USP32: variants seen among roughly 807,000 people sequenced by gnomAD.
USP32 encodes the protein ubiquitin carboxyl-terminal hydrolase 32.
In USP32, 59 loss-of-function variants were observed where a neutral mutation model predicts 204.8. That is an observed-to-expected ratio of 0.29 (90% CI 0.23 to 0.36). USP32 has a LOEUF of 0.36. USP32 is among the 10% of genes least tolerant of loss of function. The pLI is 1.00. For missense variants in USP32, 1,160 were observed against 1,946.4 expected, an observed-to-expected ratio of 0.60 and a Z score of 7.60; for synonymous variants, 517 against 678.4, an observed-to-expected ratio of 0.76 and a Z score of 3.70.
upstream of USP32, among the ~76,000 whole-genome samples, chr17:60,392,859 A>G (rs1444351117): frequency 6.6e-6 from 1 of 152,072 alleles, no homozygotes; most frequent in Non-Finnish European, 1.5e-5. Flanking sequence ...TCTTGTACAC[A>G]TTCTCTGGAA....
At chr17:60,377,895 A>G (rs2089578146) in intron 1 of USP32, among the ~76,000 whole-genome samples, 1 of 152,232 alleles carries the variant, frequency 6.6e-6, no homozygotes, top group Admixed American at 6.5e-5. Flanking sequence ...ACATTGTTTA[A>G]GTTCAAAACT....
chr17:60,216,079 G>GA (rs1264143453), intron 16 of USP32, among the ~76,000 whole-genome samples: 114 of 143,774 alleles, frequency 7.9e-4, no homozygotes, highest in African/African-American at 1.4e-3. Flanking sequence ...GCCCAATAAG[G>GA]AAAAAAAAAA....
intron 16 of USP32, among the ~76,000 whole-genome samples, chr17:60,215,937 G>A (rs897541432): frequency 6.6e-6 from 1 of 152,098 alleles, no homozygotes; most frequent in Non-Finnish European, 1.5e-5. Context: ...AAGGCTCAGG[G>A]AATCCTCCCA....
At chr17:60,229,619 A>G (rs148010211) in intron 12 of USP32, among the ~76,000 whole-genome samples, 25 of 152,328 alleles carry the variant, frequency 1.6e-4, no homozygotes, top group Non-Finnish European at 3.1e-4. Context: ...AAAGAGTAAC[A>G]GCGCCACCTT....
At chr17:60,392,289 C>T, upstream of USP32, 1 of 371,948 alleles carries the variant, frequency 2.7e-6, no homozygotes, top group Non-Finnish European at 4.9e-6. Flanking sequence ...AGACACTGTT[C>T]CCGGTAACGG....
intron 9 of USP32, among the ~76,000 whole-genome samples, chr17:60,263,265 C>A (rs2086499428): frequency 6.6e-6 from 1 of 151,974 alleles, no homozygotes; most frequent in Admixed American, 6.6e-5. Context: ...CTAACATAGC[C>A]CTGATCACAC....
In USP32 at chr17:60,215,490, A is replaced by G. The variant is rs182891736; in HGVS notation, c.1868-716T>C. On this transcript the variant is annotated intron_variant, in intron 16 of 33. Coordinates refer to ENST00000300896, the MANE Select transcript of USP32 (RefSeq NM_032582.4). ...AAAAAAAAATTAGGACAGAGTTAAA[A>G]AAAAAAAAAACTCAGTGGAGGAGGT... Among the ~76,000 whole-genome samples the G allele has an allele frequency of 4.4e-3, 677 of 152,260 alleles. 9 individuals carry two copies. Among genetic ancestry groups the G allele is most frequent in the African/African-American group, 0.015 (623 of 41,558 alleles).
intron 1 of USP32, among the ~76,000 whole-genome samples, chr17:60,387,148 A>G (rs557069237): frequency 3.9e-5 from 6 of 152,332 alleles, no homozygotes; most frequent in African/African-American, 1.4e-4. Context: ...CGTGTATAGA[A>G]TGATACATTA....
intron 1 of USP32, among the ~76,000 whole-genome samples, chr17:60,410,584 T>C (rs2090010148): frequency 6.6e-6 from 1 of 151,678 alleles, no homozygotes; most frequent in Non-Finnish European, 1.5e-5. Context: ...AGGAGAATGG[T>C]GTGAACCTGG....
intron 1 of USP32, among the ~76,000 whole-genome samples, chr17:60,374,747 T>G (rs568046624): frequency 6.6e-6 from 1 of 152,168 alleles, no homozygotes; most frequent in African/African-American, 2.4e-5. Flanking sequence ...AATGACTACA[T>G]AAAAAAAGCA....
chr17:60,211,046 T>C lies in USP32; in HGVS notation c.2391A>G (p.Gly797=), dbSNP rs1235841968. 2.5e-6 allele frequency: 4 copies of C among 1,612,200 alleles called. No homozygotes were observed. The highest frequency in any genetic ancestry group is 1.7e-6 in the Non-Finnish European group (2 of 1,178,558). The part of the protein sequence containing the change: ...YGDLVQELWS[G]TQKNVAPLKL... ...TTAATGGGGCAACATTCTTCTGAGT[T>C]CCACTCCAAAGTTCCTGCACTAAAT... The change falls in exon 21 of 34, where the codon GGA becomes GGG. Residue 797 remains glycine (G), a synonymous_variant. Transcript: ENST00000300896.
At chr17:60,336,187 A>G (rs1167146350) in intron 2 of USP32, among the ~76,000 whole-genome samples, 1 of 143,260 alleles carries the variant, frequency 7.0e-6, no homozygotes, top group Non-Finnish European at 1.5e-5. Context: ...CAAGGAGTTC[A>G]CTAGTCCCAT....
chr17:60,377,202 G>A (rs1217638720), intron 1 of USP32, among the ~76,000 whole-genome samples: 2 of 152,148 alleles, frequency 1.3e-5, no homozygotes, highest in Admixed American at 6.6e-5. Context: ...GTTCACGTCT[G>A]TAATCCCAGC....
chr17:60,384,723 C>T (rs1351757393), intron 1 of USP32, among the ~76,000 whole-genome samples: 3 of 150,566 alleles, frequency 2.0e-5, no homozygotes, highest in Non-Finnish European at 4.4e-5. Context: ...ATTCGGGAGG[C>T]GGAGGTTGCA....
chr17:60,206,389 C>A (rs2084825708), intron 25 of USP32, among the ~76,000 whole-genome samples: 2 of 149,576 alleles, frequency 1.3e-5, no homozygotes, highest in Admixed American at 1.3e-4. Flanking sequence ...ATCTCAAGCG[C>A]TTAACAGTCC....
At chr17:60,324,712 A>T (rs1450521420) in intron 2 of USP32, among the ~76,000 whole-genome samples, 1 of 152,176 alleles carries the variant, frequency 6.6e-6, no homozygotes, top group African/African-American at 2.4e-5. Flanking sequence ...ATACTAAAAA[A>T]CTGTTATAGG....
intron 3 of USP32, among the ~76,000 whole-genome samples, chr17:60,298,924 T>C (rs2087504682): frequency 6.6e-6 from 1 of 151,846 alleles, no homozygotes; most frequent in Admixed American, 6.6e-5. Context: ...GCAGTTAGAG[T>C]CCAGCCTGGG....
chr17:60,372,394 A>G (rs560025590), intron 1 of USP32, among the ~76,000 whole-genome samples: 1 of 152,334 alleles, frequency 6.6e-6, no homozygotes, highest in East Asian at 1.9e-4. Context: ...CTACACACCT[A>G]GGCTATATGG....
intron 26 of USP32, among the ~76,000 whole-genome samples, chr17:60,204,990 A>G (rs1045792761): frequency 6.7e-6 from 1 of 148,978 alleles, no homozygotes; most frequent in African/African-American, 2.5e-5. Context: ...ACGAGGTCTC[A>G]CTATGTTGCC....
Sources: allele counts gnomAD v4.1 joint callset (sites outside exome capture counted in the v4.1 genomes callset), GRCh38; gene constraint gnomAD v4.1.1; transcripts MANE v1.5; gene names NCBI Gene and HGNC (gene_info 2026-07-23, HGNC 2026-07-21).